The following PDE7A variants were observed in gnomAD, a reference collection of about 807,000 sequenced individuals.
The protein encoded by PDE7A is high affinity 3',5'-cyclic-AMP phosphodiesterase 7A.
In PDE7A, 39 loss-of-function variants were observed where a neutral mutation model predicts 64.3. The ratio of observed to expected loss-of-function variants is 0.61; its 90% CI spans 0.47 to 0.79. PDE7A has a LOEUF of 0.79. PDE7A is among the 30% of genes least tolerant of loss of function. PDE7A has a pLI of 0.00. For missense variants in PDE7A, 470 were observed against 582.8 expected (o/e 0.81, Z 1.99); for synonymous variants, 203 against 206.8 (o/e 0.98, Z 0.16).
intron 1 of PDE7A, among the ~76,000 whole-genome samples, chr8:65,817,226 T>C (rs1023605519): frequency 5.9e-5 from 9 of 152,196 alleles, no homozygotes; most frequent in African/African-American, 2.2e-4. Context: ...TGTTCCTATA[T>C]ATGCCTCCCT....
intron 1 of PDE7A, among the ~76,000 whole-genome samples, chr8:65,801,937 G>A (rs1809997067): frequency 6.6e-6 from 1 of 152,196 alleles, no homozygotes; most frequent in Non-Finnish European, 1.5e-5. Context: ...TTTAGCATAT[G>A]TAATTATAAC....
At chr8:65,744,473 A>G (rs1807582671) in intron 5 of PDE7A, among the ~76,000 whole-genome samples, 1 of 152,188 alleles carries the variant, frequency 6.6e-6, no homozygotes, top group South Asian at 2.1e-4. Flanking sequence ...CTGTCCGCAA[A>G]GAGAATAAGA....
chr8:65,818,377 C>G (rs1425359556), intron 1 of PDE7A, among the ~76,000 whole-genome samples: 1 of 152,160 alleles, frequency 6.6e-6, no homozygotes, highest in Admixed American at 6.5e-5. Context: ...GCATCATGAT[C>G]AAGACAAATA....
chr8:65,752,871 A>G (rs1292951688), intron 3 of PDE7A, among the ~76,000 whole-genome samples: 2 of 152,038 alleles, frequency 1.3e-5, no homozygotes, highest in Non-Finnish European at 2.9e-5. Flanking sequence ...TCTATCCACT[A>G]TAACCATTAC....
At chr8:65,806,669 A>G (rs1166250254) in intron 1 of PDE7A, among the ~76,000 whole-genome samples, 4 of 152,268 alleles carry the variant, frequency 2.6e-5, no homozygotes, top group Non-Finnish European at 1.5e-5. Context: ...TGAATGTTCC[A>G]TACACGTGTT....
At chr8:65,727,618 T>G (rs747967084) in intron 7 of PDE7A, 1 of 212,576 alleles carries the variant, frequency 4.7e-6, no homozygotes. Context: ...TGAGAAATAA[T>G]GGCTTTAAAA....
At chr8:65,774,297 T>A (rs1156348344) in intron 3 of PDE7A, among the ~76,000 whole-genome samples, 3 of 144,264 alleles carry the variant, frequency 2.1e-5, no homozygotes, top group Non-Finnish European at 3.0e-5. Flanking sequence ...AGATTTTTTG[T>A]ACTGACATTT....
intron 6 of PDE7A, among the ~76,000 whole-genome samples, chr8:65,738,679 C>T (rs1377550559): frequency 1.3e-5 from 2 of 152,012 alleles, no homozygotes; most frequent in South Asian, 2.1e-4. Context: ...GTGATCCACC[C>T]GCCTCAGCCT....
intron 1 of PDE7A, among the ~76,000 whole-genome samples, chr8:65,812,684 T>C (rs774837372): frequency 4.6e-5 from 7 of 152,232 alleles, no homozygotes; most frequent in African/African-American, 7.2e-5. Flanking sequence ...ATTTTTCTTA[T>C]ATTACTCTTA....
rs754181477 is a variant in PDE7A, at chr8:65,719,434, C to G, written c.1305G>C (p.Arg435Ser). ...CGTGTCCAAGCATTGTCTGGGATAG[C>G]CTTGTATTGGAAAACCTGGCCCATT... The part of the protein sequence containing the change: ...FTEWARFSNT[R>S]LSQTMLGHVG... The change falls in exon 13 of 13, where the codon AGG (arginine) becomes AGC (serine). Residue 435 changes from arginine to serine, a missense_variant. Arg to Ser is a moderately radical substitution (Grantham distance 110, BLOSUM62 -1). Coordinates refer to ENST00000401827, the MANE Select transcript of PDE7A (RefSeq NM_001242318.3). The G allele has an allele frequency of 3.5e-5, 57 of 1,613,962 alleles. No homozygotes were observed. Among genetic ancestry groups the G allele is most frequent in the Non-Finnish European group, 4.7e-5 (55 of 1,179,950 alleles).
chr8:65,758,077 T>C (rs1243622433), intron 3 of PDE7A, among the ~76,000 whole-genome samples: 1 of 152,264 alleles, frequency 6.6e-6, no homozygotes, highest in Non-Finnish European at 1.5e-5. Context: ...GTCTCTGTGC[T>C]AGTCCAGATT....
chr8:65,775,477 T>C (rs899878261), intron 3 of PDE7A, among the ~76,000 whole-genome samples: 4 of 152,360 alleles, frequency 2.6e-5, no homozygotes, highest in African/African-American at 9.6e-5. Context: ...TAGTCTTTAA[T>C]TATCACGTTT....
intron 1 of PDE7A, among the ~76,000 whole-genome samples, chr8:65,790,248 G>A (rs548318044): frequency 3.3e-5 from 5 of 152,210 alleles, no homozygotes; most frequent in African/African-American, 4.8e-5. Context: ...CAGGCCCTAC[G>A]AGGGCCATGT....
At chr8:65,828,131 T>C (rs1339396780) in intron 1 of PDE7A, among the ~76,000 whole-genome samples, 10 of 152,008 alleles carry the variant, frequency 6.6e-5, no homozygotes, top group Non-Finnish European at 1.3e-4. Context: ...ATTTCTGAAA[T>C]AGATATATTT....
At chr8:65,817,008 C>T (rs1417098775) in intron 1 of PDE7A, among the ~76,000 whole-genome samples, 2 of 152,126 alleles carry the variant, frequency 1.3e-5, no homozygotes, top group Non-Finnish European at 2.9e-5. Flanking sequence ...TTCTTCCATC[C>T]TTTTTCAAAT....
chr8:65,770,038 A>G (rs141970915), intron 3 of PDE7A, among the ~76,000 whole-genome samples: 4 of 152,316 alleles, frequency 2.6e-5, no homozygotes, highest in East Asian at 1.9e-4. Flanking sequence ...ACATACAAAA[A>G]GTTACAAAAA....
intron 10 of PDE7A, 73 bp downstream of exon 10, chr8:65,724,704 A>C: frequency 5.3e-5 from 65 of 1,221,052 alleles, no homozygotes; most frequent in Non-Finnish European, 6.5e-5. Flanking sequence ...AAACTACACT[A>C]GAATATTCAT....
At chr8:65,791,651 A>T (rs866493870) in intron 1 of PDE7A, among the ~76,000 whole-genome samples, 49 of 152,106 alleles carry the variant, frequency 3.2e-4, no homozygotes, top group African/African-American at 1.1e-3. Context: ...CCTAATTTCC[A>T]CTAATGTCTG....
At chr8:65,779,842 T>C in intron 2 of PDE7A, 39 bp from the exon 3 acceptor site, 1 of 1,334,434 alleles carries the variant, frequency 7.5e-7, no homozygotes, top group Non-Finnish European at 1.1e-6. Flanking sequence ...TTTAGAAGGT[T>C]GTCATTCGGG....
Sources: allele counts gnomAD v4.1 joint callset (sites outside exome capture counted in the v4.1 genomes callset), GRCh38; gene constraint gnomAD v4.1.1; transcripts MANE v1.5; gene names NCBI Gene and HGNC (gene_info 2026-07-23, HGNC 2026-07-21).